DDX4: variants seen among roughly 807,000 people sequenced by gnomAD.
DDX4 encodes probable ATP-dependent RNA helicase DDX4.
Under a neutral mutation model 100.0 loss-of-function variants are expected in DDX4, and 25 were observed. The observed-to-expected ratio is 0.25, with a 90% CI of 0.18 to 0.35. The LOEUF (loss-of-function observed/expected upper bound fraction) is 0.35. Among genes scored for constraint, DDX4 ranks in the 10% least tolerant of loss-of-function variants. The pLI is 1.00. For synonymous variants in DDX4, 259 were observed against 275.7 expected (o/e 0.94, Z 0.60); for missense variants, 635 against 882.4 (o/e 0.72, Z 3.55).
chr5:55,738,847 T>TTCAA, intron 1 of DDX4, 103 bp from the exon 2 acceptor site: 1 of 743,298 alleles, frequency 1.3e-6, no homozygotes, highest in Non-Finnish European at 2.3e-6. Context: ...AGCACCTAGT[T>TTCAA]GGGTAGTTTC....
At chr5:55,815,192 G>A in intron 20 of DDX4, 21 bp downstream of exon 20, 2 of 1,609,990 alleles carry the variant, frequency 1.2e-6, no homozygotes, top group Non-Finnish European at 1.7e-6. Flanking sequence ...CTTTTATGAT[G>A]GAATGGATAG....
intron 20 of DDX4, 35 bp downstream of exon 20, chr5:55,815,206 TCTTA>T (rs1240735476): frequency 6.2e-7 from 1 of 1,606,096 alleles, no homozygotes; most frequent in Non-Finnish European, 8.5e-7. Context: ...TGGATAGTTT[TCTTA>T]CTTTGTTGTT....
chr5:55,778,323 T>C (rs1049315246), intron 7 of DDX4, among the ~76,000 whole-genome samples: 6 of 152,050 alleles, frequency 3.9e-5, no homozygotes, highest in African/African-American at 4.8e-5. Flanking sequence ...TTTTATAGCC[T>C]TAAATGCATC....
intron 15 of DDX4, 86 bp downstream of exon 15, chr5:55,788,086 G>T: frequency 8.6e-7 from 1 of 1,156,598 alleles, no homozygotes; most frequent in South Asian, 1.8e-5. Flanking sequence ...CAGTAATAAT[G>T]CACTCATGTA....
chr5:55,742,231 G>A (rs760602938), intron 2 of DDX4: 1 of 456,182 alleles, frequency 2.2e-6, no homozygotes, highest in African/African-American at 2.0e-5. Flanking sequence ...TTATTGGGGT[G>A]AGTGTTAGAA....
intron 3 of DDX4, among the ~76,000 whole-genome samples, chr5:55,754,207 A>G (rs962858820): frequency 1.4e-4 from 21 of 150,632 alleles, no homozygotes; most frequent in Non-Finnish European, 4.4e-5. Context: ...TTCCAACACT[A>G]TGTTGAATAG....
intron 14 of DDX4, 67 bp from the exon 15 acceptor site, chr5:55,787,779 G>A: frequency 1.3e-6 from 2 of 1,540,060 alleles, no homozygotes; most frequent in Non-Finnish European, 1.8e-6. Flanking sequence ...AGGACATGAG[G>A]ATTAGCTTTC....
intron 6 of DDX4, among the ~76,000 whole-genome samples, chr5:55,765,508 T>C (rs1470567206): frequency 1.3e-5 from 2 of 149,828 alleles, no homozygotes; most frequent in Non-Finnish European, 3.0e-5. Flanking sequence ...AGCTTTTTAC[T>C]CTGGACACAA....
chr5:55,804,166 A>G (rs866151300), intron 18 of DDX4, among the ~76,000 whole-genome samples: 50 of 147,486 alleles, frequency 3.4e-4, no homozygotes, highest in Non-Finnish European at 5.4e-4. Context: ...TTTTGATGGG[A>G]TTGTTTGTTT....
chr5:55,802,601 C>T (rs994580359), intron 18 of DDX4, among the ~76,000 whole-genome samples: 2 of 152,180 alleles, frequency 1.3e-5, no homozygotes, highest in African/African-American at 4.8e-5. Context: ...TCAAAGCAGT[C>T]AACTTTAGAA....
intron 7 of DDX4, among the ~76,000 whole-genome samples, chr5:55,772,739 A>G (rs1009505883): frequency 4.6e-5 from 7 of 152,166 alleles, no homozygotes; most frequent in African/African-American, 1.7e-4. Context: ...TCTGCATCAT[A>G]TGATCTCTGA....
At chr5:55,789,712 C>T (rs951077766) in intron 15 of DDX4, among the ~76,000 whole-genome samples, 3 of 152,054 alleles carry the variant, frequency 2.0e-5, no homozygotes, top group South Asian at 2.1e-4. Context: ...TTCAAGGCAG[C>T]GACAACAGAG....
At chr5:55,771,098 A>G (rs949883472) in intron 7 of DDX4, among the ~76,000 whole-genome samples, 1 of 152,164 alleles carries the variant, frequency 6.6e-6, no homozygotes, top group Non-Finnish European at 1.5e-5. Flanking sequence ...GGAAGTTTGC[A>G]TATAGGGGTC....
chr5:55,816,665 A>T lies in DDX4; in HGVS notation c.*125A>T. 14 of 1,440,482 alleles carry T rather than the reference A, an allele frequency of 9.7e-6. No homozygotes were observed. Among genetic ancestry groups the T allele is most frequent in the Middle Eastern group, 2.1e-4 (1 of 4,766 alleles). The allele number at this position is 1,440,482 out of a possible 1,614,324, so 89.2% of individuals were successfully genotyped here. On this transcript the variant is annotated 3_prime_UTR_variant, in exon 22 of 22. Transcript: ENST00000505374. ...CTCCTGTCCTTGTATTCTCACTCCTACACTTAAAAAAAAAATCCTTACTGA... is the reference window on the plus strand; with the variant it reads ...CTCCTGTCCTTGTATTCTCACTCCTTCACTTAAAAAAAAAATCCTTACTGA...
At chr5:55,799,624 C>T (rs1460533963) in intron 18 of DDX4, among the ~76,000 whole-genome samples, 3 of 152,190 alleles carry the variant, frequency 2.0e-5, no homozygotes, top group African/African-American at 7.2e-5. Context: ...GATCCACTCA[C>T]ATTGGCCTCC....
intron 3 of DDX4, among the ~76,000 whole-genome samples, chr5:55,748,302 C>T (rs778256390): frequency 3.3e-5 from 5 of 152,076 alleles, no homozygotes; most frequent in Non-Finnish European, 5.9e-5. Flanking sequence ...AATGGATAAA[C>T]GTAATAGATA....
At chr5:55,778,306 G>A (rs1388291434) in intron 7 of DDX4, among the ~76,000 whole-genome samples, 2 of 152,068 alleles carry the variant, frequency 1.3e-5, no homozygotes, top group African/African-American at 4.8e-5. Context: ...CTGCCTCTTA[G>A]AGGAAATTTT....
chr5:55,785,919 T>C (rs1466258613), intron 13 of DDX4, 48 bp downstream of exon 13: 2 of 1,357,718 alleles, frequency 1.5e-6, no homozygotes, highest in Non-Finnish European at 2.1e-6. Flanking sequence ...ACACTTTGCC[T>C]TTAAAATACA....
At position 55,781,148 on chromosome 5, in the gene DDX4, TGAGAAATAGAAC is replaced by T. The variant is rs778389242; in HGVS notation, c.577+3_577+14del. ...GAAGACCAGTATTAAGTGGCACAGG[TGAGAAATAGAAC>T]TTATTACTGAATATTAGTTACTGAT... On this transcript the variant is annotated splice_donor_5th_base_variant and intron_variant, in intron 9 of 21. Transcript: ENST00000505374. 1.3e-5 allele frequency: 21 copies of T among 1,607,634 alleles called. No homozygotes were observed. Among genetic ancestry groups the T allele is most frequent in the Middle Eastern group, 1.7e-4 (1 of 6,050 alleles).
Sources: allele counts gnomAD v4.1 joint callset (sites outside exome capture counted in the v4.1 genomes callset), GRCh38; gene constraint gnomAD v4.1.1; transcripts MANE v1.5; gene names NCBI Gene and HGNC (gene_info 2026-07-23, HGNC 2026-07-21).